Variants in RFTN2 observed in about 807,000 individuals in gnomAD.
RFTN2 encodes the protein raftlin-2.
A neutral mutation model predicts 52.7 loss-of-function variants in RFTN2; 34 were observed. The observed-to-expected ratio is 0.64, with a 90% CI of 0.49 to 0.86. The LOEUF is 0.86. Ranked by LOEUF, RFTN2 falls within the 40% of genes least tolerant of loss-of-function variation. The pLI, the probability that RFTN2 is intolerant of heterozygous loss-of-function variation, is 0.00. For missense variants in RFTN2, 536 were observed against 600.1 expected (o/e 0.89, Z 1.12); for synonymous variants, 203 against 217.7 (o/e 0.93, Z 0.59).
At chr2:197,610,069 T>G (rs1281710715) in intron 7 of RFTN2, among the ~76,000 whole-genome samples, 2 of 152,258 alleles carry the variant, frequency 1.3e-5, no homozygotes, top group Non-Finnish European at 1.5e-5. Flanking sequence ...AGCTTTGTTC[T>G]TTTGGCTTAG....
At chr2:197,598,293 A>G (rs1273986463) in intron 7 of RFTN2, among the ~76,000 whole-genome samples, 1 of 152,122 alleles carries the variant, frequency 6.6e-6, no homozygotes. Flanking sequence ...GAACTCTACC[A>G]TGGGTGACAG....
chr2:197,638,910 C>T (rs1331703507), intron 3 of RFTN2, among the ~76,000 whole-genome samples: 2 of 151,756 alleles, frequency 1.3e-5, no homozygotes, highest in African/African-American at 2.4e-5. Flanking sequence ...GTGCTTCCTT[C>T]AGGAGCTCTT....
At chr2:197,651,537 T>G (rs2088827783) in intron 1 of RFTN2, among the ~76,000 whole-genome samples, 1 of 152,164 alleles carries the variant, frequency 6.6e-6, no homozygotes. Context: ...GAGAATCGCT[T>G]GAACCCGGAA....
chr2:197,642,072 A>G (rs894682430), intron 3 of RFTN2, among the ~76,000 whole-genome samples: 1 of 152,260 alleles, frequency 6.6e-6, no homozygotes, highest in African/African-American at 2.4e-5. Context: ...CTAATAAACA[A>G]TATGCGTAGT....
At chr2:197,578,385 T>C (rs571427663) in intron 8 of RFTN2, among the ~76,000 whole-genome samples, 2 of 152,218 alleles carry the variant, frequency 1.3e-5, no homozygotes, top group Admixed American at 1.3e-4. Context: ...CACACTTTTT[T>C]TCTTTTTTTA....
intron 1 of RFTN2, among the ~76,000 whole-genome samples, chr2:197,661,362 T>TCGGAACTACAGG (rs2088974390): frequency 6.6e-6 from 1 of 151,884 alleles, no homozygotes; most frequent in Admixed American, 6.6e-5. Flanking sequence ...TCCAGAGTAG[T>TCGGAACTACAGG]CGGAACTACA....
chr2:197,675,007 A>G (rs1414339210), intron 1 of RFTN2, among the ~76,000 whole-genome samples: 1 of 152,182 alleles, frequency 6.6e-6, no homozygotes, highest in African/African-American at 2.4e-5. Context: ...CTAAGGCTAT[A>G]TAGCTATTTG....
intron 8 of RFTN2, among the ~76,000 whole-genome samples, chr2:197,594,982 A>G (rs1318020948): frequency 6.6e-6 from 1 of 152,220 alleles, no homozygotes; most frequent in Non-Finnish European, 1.5e-5. Flanking sequence ...CGTTTTCTTG[A>G]TTTAGATACA....
At chr2:197,575,303 G>T (rs2087393084) in intron 8 of RFTN2, among the ~76,000 whole-genome samples, 2 of 152,166 alleles carry the variant, frequency 1.3e-5, no homozygotes, top group South Asian at 4.1e-4. Context: ...AAATTACCCA[G>T]TCTTGGGTAT....
chr2:197,591,650 G>A (rs2087715564), intron 8 of RFTN2, among the ~76,000 whole-genome samples: 1 of 152,190 alleles, frequency 6.6e-6, no homozygotes. Flanking sequence ...AGCCCACGGT[G>A]GTGGAGCGGG....
chr2:197,632,275 G>A (rs1375098007), intron 4 of RFTN2, among the ~76,000 whole-genome samples: 2 of 152,166 alleles, frequency 1.3e-5, no homozygotes, highest in Non-Finnish European at 2.9e-5. Context: ...ATCTTGAATT[G>A]TAGTTCCCAT....
intron 1 of RFTN2, among the ~76,000 whole-genome samples, chr2:197,655,724 T>C (rs570319867): frequency 1.3e-5 from 2 of 152,208 alleles, no homozygotes; most frequent in Non-Finnish European, 2.9e-5. Context: ...CTCAGAAGGC[T>C]GAGGCAGGAG....
chr2:197,657,729 T>C (rs1008752933), intron 1 of RFTN2, among the ~76,000 whole-genome samples: 1 of 152,186 alleles, frequency 6.6e-6, no homozygotes, highest in Non-Finnish European at 1.5e-5. Flanking sequence ...GGACCTGATG[T>C]AAACAAAAGG....
At chr2:197,668,876 C>T (rs1256536894) in intron 1 of RFTN2, among the ~76,000 whole-genome samples, 1 of 152,136 alleles carries the variant, frequency 6.6e-6, no homozygotes, top group African/African-American at 2.4e-5. Flanking sequence ...GAGGAACTCT[C>T]CCATGGTTAG....
chr2:197,646,887 A>G (rs2088758476), intron 1 of RFTN2, among the ~76,000 whole-genome samples: 2 of 71,824 alleles, frequency 2.8e-5, no homozygotes, highest in South Asian at 1.2e-3. Flanking sequence ...ATAGTAGGAC[A>G]TTGTCTCTAC....
At chr2:197,590,965 T>A (rs767124067) in intron 8 of RFTN2, among the ~76,000 whole-genome samples, 15 of 152,214 alleles carry the variant, frequency 9.9e-5, no homozygotes, top group Non-Finnish European at 2.2e-4. Flanking sequence ...TTGCCACTGC[T>A]GGCTGAGGCA....
At chr2:197,599,599 C>T (rs1352567383) in intron 7 of RFTN2, among the ~76,000 whole-genome samples, 1 of 152,072 alleles carries the variant, frequency 6.6e-6, no homozygotes, top group African/African-American at 2.4e-5. Context: ...AAAAAGTCCT[C>T]AGATGGTGTG....
intron 7 of RFTN2, among the ~76,000 whole-genome samples, chr2:197,606,947 A>T (rs989318931): frequency 6.6e-6 from 1 of 152,218 alleles, no homozygotes; most frequent in African/African-American, 2.4e-5. Context: ...CTGGAACTAG[A>T]AATACTATTT....
intron 1 of RFTN2, among the ~76,000 whole-genome samples, chr2:197,647,222 TTTTC>T (rs1024027228): frequency 2.0e-5 from 3 of 152,094 alleles, no homozygotes; most frequent in African/African-American, 4.8e-5. Flanking sequence ...ATTTCTTTTC[TTTTC>T]TTTTTTTCTT....
Sources: gnomAD v4.1 joint callset for allele counts (sites outside exome capture counted in the v4.1 genomes callset) on GRCh38, gnomAD v4.1.1 for gene constraint, MANE v1.5 for transcripts, NCBI Gene and HGNC (gene_info 2026-07-23, HGNC 2026-07-21) for gene names.